The following DNAH14 variants were observed in gnomAD, a reference collection of about 807,000 sequenced individuals.
DNAH14 encodes dynein axonemal heavy chain 14.
DNAH14 carries 478 observed loss-of-function variants against 520.9 expected under a neutral mutation model. The observed-to-expected ratio is 0.92, with a 90% CI of 0.85 to 0.99. The LOEUF (loss-of-function observed/expected upper bound fraction) is 0.99, where lower values mean the gene tolerates loss of function less well. Ranked by LOEUF, DNAH14 falls within the 50% of genes least tolerant of loss-of-function variation. DNAH14 has a pLI of 0.00. For synonymous variants in DNAH14, 1,581 were observed against 1,757.2 expected, an observed-to-expected ratio of 0.90 and a Z score of 2.51; for missense variants, 4,831 against 5,234.5, an observed-to-expected ratio of 0.92 and a Z score of 2.38.
intron 17 of DNAH14, among the ~76,000 whole-genome samples, chr1:225,052,780 A>G (rs1433843468): frequency 3.9e-5 from 6 of 152,226 alleles, no homozygotes; most frequent in Admixed American, 3.9e-4. Flanking sequence ...GATTTAACTT[A>G]GATTCAGTTG....
intron 23 of DNAH14, among the ~76,000 whole-genome samples, chr1:225,105,645 CTTCT>C (rs1208728805): frequency 2.0e-5 from 3 of 152,136 alleles, no homozygotes; most frequent in Non-Finnish European, 4.4e-5. Flanking sequence ...TTGTAATGGC[CTTCT>C]TTGTCTCCTT....
At chr1:225,344,670 A>G (rs1282409607) in intron 69 of DNAH14, among the ~76,000 whole-genome samples, 3 of 151,490 alleles carry the variant, frequency 2.0e-5, no homozygotes, top group Non-Finnish European at 4.4e-5. Flanking sequence ...AGCTATTGTG[A>G]ATAGTGAAAA....
At chr1:224,948,898 C>A (rs1488958425) in intron 1 of DNAH14, among the ~76,000 whole-genome samples, 3 of 152,174 alleles carry the variant, frequency 2.0e-5, no homozygotes, top group Non-Finnish European at 4.4e-5. Flanking sequence ...AGTTCCATCT[C>A]ACTTTTAATC....
intron 73 of DNAH14, among the ~76,000 whole-genome samples, chr1:225,357,016 T>C (rs1574996728): frequency 6.6e-6 from 1 of 152,106 alleles, no homozygotes; most frequent in East Asian, 1.9e-4. Flanking sequence ...GCCTGACCTG[T>C]AAGAGTTAGA....
chr1:224,930,903 A>G (rs1476398684), intron 1 of DNAH14, among the ~76,000 whole-genome samples: 2 of 152,124 alleles, frequency 1.3e-5, no homozygotes, highest in Non-Finnish European at 2.9e-5. Context: ...CGGCCTCTAT[A>G]CCATACTTTT....
In DNAH14 at chr1:225,012,041, A is replaced by G. The variant is rs572723967; in HGVS notation, c.1107+4497A>G. ...CCATTAGTTGATGCAGTTTCTTCAT[A>G]GTATCAATGGTCTTTACAATTTGGC... On this transcript the variant is annotated intron_variant, in intron 10 of 85. Coordinates refer to ENST00000682510, the MANE Select transcript of DNAH14 (RefSeq NM_001367479.1). Among the ~76,000 whole-genome samples the G allele has an allele frequency of 9.2e-5, 14 of 152,162 alleles. No homozygotes were observed. In the South Asian group the frequency reaches 2.3e-3, roughly 25 times the overall value.
chr1:224,995,297 GC>G (rs1327025703), intron 8 of DNAH14, among the ~76,000 whole-genome samples: 2 of 152,120 alleles, frequency 1.3e-5, no homozygotes, highest in Admixed American at 1.3e-4. Flanking sequence ...CTGAATGACA[GC>G]TTTGCTGGGG....
intron 41 of DNAH14, among the ~76,000 whole-genome samples, chr1:225,214,196 A>T (rs2088911405): frequency 1.3e-5 from 2 of 152,082 alleles, no homozygotes; most frequent in Non-Finnish European, 2.9e-5. Flanking sequence ...TTCTGTTTAT[A>T]TGATGGATTA....
At chr1:225,353,029 A>C (rs2095388585) in intron 72 of DNAH14, among the ~76,000 whole-genome samples, 1 of 152,074 alleles carries the variant, frequency 6.6e-6, no homozygotes, top group South Asian at 2.1e-4. Context: ...TTTATTTTGC[A>C]AATAACCCCA....
chr1:225,301,461 TA>T (rs2150070148), intron 56 of DNAH14, among the ~76,000 whole-genome samples: 1 of 152,104 alleles, frequency 6.6e-6, no homozygotes, highest in Admixed American at 6.5e-5. Flanking sequence ...AGGTGATGGA[TA>T]AAAAAAGAAA....
chr1:225,144,102 T>C (rs576595306), intron 28 of DNAH14, among the ~76,000 whole-genome samples: 1 of 152,320 alleles, frequency 6.6e-6, no homozygotes, highest in South Asian at 2.1e-4. Flanking sequence ...ATGATTCTTA[T>C]ATAAATCCTC....
chr1:225,283,633 C>T (rs1407286216), intron 54 of DNAH14, among the ~76,000 whole-genome samples: 1 of 152,034 alleles, frequency 6.6e-6, no homozygotes, highest in Non-Finnish European at 1.5e-5. Context: ...AGAAACTAGA[C>T]ATAAAATCAG....
chr1:225,358,982 G>A (rs1333928984), intron 74 of DNAH14, among the ~76,000 whole-genome samples: 3 of 152,168 alleles, frequency 2.0e-5, no homozygotes, highest in Non-Finnish European at 4.4e-5. Context: ...GCAGAACTGC[G>A]AGCGAATTAA....
intron 7 of DNAH14, among the ~76,000 whole-genome samples, chr1:224,972,200 A>G (rs574871375): frequency 2.2e-4 from 34 of 152,294 alleles, no homozygotes; most frequent in Admixed American, 3.9e-4. Flanking sequence ...CAAGTTAAAA[A>G]TACAAATTAA....
Position 224,967,415 on chromosome 1 carries a change from T to A in DNAH14, c.499-16T>A, listed in dbSNP as rs199899173. ...AAATTAATTAAATTTGTTTATTATT[T>A]TTTTTTTAATCTCAGAAACCTTTGG... On this transcript the variant is annotated splice_polypyrimidine_tract_variant and intron_variant, in intron 5 of 85. Transcript: ENST00000682510. The A allele has an allele frequency of 4.3e-4, 648 of 1,514,496 alleles. No individual in the cohort carries two copies. Among genetic ancestry groups the A allele is most frequent in the Middle Eastern group, 8.9e-4 (5 of 5,616 alleles). The allele number at this position is 1,514,496 out of a possible 1,614,324, so 93.8% of individuals were successfully genotyped here.
rs1478490533 is a variant in DNAH14, at chr1:225,232,814, A to C, written c.6518+1663A>C. ...TCATGCAGTGCTTGATTCTTATTTTAAGTTCAGGGGTACATGCACAGGATG... is the reference window on the plus strand; with the variant it reads ...TCATGCAGTGCTTGATTCTTATTTTCAGTTCAGGGGTACATGCACAGGATG... On this transcript the variant is annotated intron_variant, in intron 42 of 85. Coordinates refer to ENST00000682510, the MANE Select transcript of DNAH14 (RefSeq NM_001367479.1). The surrounding 1 kb of genome is among the most constrained non-coding windows in gnomAD (Gnocchi z 4.2). Among the ~76,000 whole-genome samples the C allele has an allele frequency of 6.6e-6, 1 of 152,160 alleles. No homozygotes were observed. Among genetic ancestry groups the C allele is most frequent in the African/African-American group, 2.4e-5 (1 of 41,442 alleles).
chr1:224,968,732 A>G (rs1477017455), intron 6 of DNAH14, 27 bp from the exon 7 acceptor site: 5 of 1,287,842 alleles, frequency 3.9e-6, no homozygotes, highest in South Asian at 1.6e-5. Flanking sequence ...AAGAAATAAA[A>G]TAATGCTTTT....
chr1:225,020,519 A>AAAAAC (rs1553385581), intron 10 of DNAH14, among the ~76,000 whole-genome samples: 1 of 145,144 alleles, frequency 6.9e-6, no homozygotes, highest in South Asian at 2.2e-4. Context: ...AAAAAAAACA[A>AAAAAC]CTCAAAGGCT....
chr1:225,042,017 C>G (rs1400126873), intron 12 of DNAH14, among the ~76,000 whole-genome samples: 1 of 152,178 alleles, frequency 6.6e-6, no homozygotes, highest in African/African-American at 2.4e-5. Context: ...CCTGAACAAA[C>G]ACTATACCCA....
Sources: gnomAD v4.1 joint callset for allele counts (sites outside exome capture counted in the v4.1 genomes callset) on GRCh38, gnomAD v4.1.1 for gene constraint, Gnocchi (gnomAD v3.1) non-coding constraint, MANE v1.5 for transcripts, NCBI Gene and HGNC (gene_info 2026-07-23, HGNC 2026-07-21) for gene names.